The following ADAM10 variants were observed in gnomAD, a reference collection of about 807,000 sequenced individuals.
ADAM10 encodes disintegrin and metalloproteinase domain-containing protein 10.
ADAM10 carries 17 observed loss-of-function variants against 90.1 expected under a neutral mutation model. The ratio of observed to expected loss-of-function variants is 0.19; its 90% CI spans 0.13 to 0.28. The LOEUF (loss-of-function observed/expected upper bound fraction) is 0.28, where lower values mean the gene tolerates loss of function less well. ADAM10 is among the 10% of genes least tolerant of loss of function. The probability of loss-of-function intolerance (pLI) is 1.00; values close to 1 mark genes in which losing one functional copy is unlikely to be tolerated. For synonymous variants in ADAM10, 310 were observed against 298.6 expected, an observed-to-expected ratio of 1.04 and a Z score of -0.40; for missense variants, 610 against 914.3, an observed-to-expected ratio of 0.67 and a Z score of 4.29.
At chr15:58,605,367 T>C (rs989123895) in intron 14 of ADAM10, among the ~76,000 whole-genome samples, 32 of 152,082 alleles carry the variant, frequency 2.1e-4, no homozygotes, top group African/African-American at 6.5e-4. Flanking sequence ...AACATGGCAA[T>C]AGACAAAAGA....
At chr15:58,615,932 C>T (rs942807011) in intron 11 of ADAM10, among the ~76,000 whole-genome samples, 2 of 151,992 alleles carry the variant, frequency 1.3e-5, no homozygotes, top group East Asian at 1.9e-4. Context: ...CGCTTGAACC[C>T]GGGAGGCGCA....
intron 14 of ADAM10, among the ~76,000 whole-genome samples, chr15:58,608,395 A>C (rs1458820230): frequency 6.6e-6 from 1 of 152,198 alleles, no homozygotes; most frequent in Non-Finnish European, 1.5e-5. Context: ...GTATGCAAGT[A>C]AACTATGCAC....
intron 14 of ADAM10, among the ~76,000 whole-genome samples, chr15:58,601,397 G>T (rs956699599): frequency 1.3e-5 from 2 of 152,050 alleles, no homozygotes; most frequent in African/African-American, 4.8e-5. Flanking sequence ...GGAGGCAGAG[G>T]TTACAGTGAG....
intron 8 of ADAM10, 34 bp downstream of exon 8, chr15:58,640,743 A>G (rs756843699): frequency 6.3e-6 from 10 of 1,597,182 alleles, no homozygotes; most frequent in Non-Finnish European, 6.9e-6. Flanking sequence ...TGTTTCAAGT[A>G]GTAAGTTAAG....
At chr15:58,702,197 A>C (rs370646645) in intron 2 of ADAM10, among the ~76,000 whole-genome samples, 18 of 152,190 alleles carry the variant, frequency 1.2e-4, no homozygotes, top group African/African-American at 4.3e-4. Context: ...GCCAAGCACA[A>C]AAAGACAAAC....
chr15:58,747,142 A>G (rs1899817973), intron 1 of ADAM10, among the ~76,000 whole-genome samples: 1 of 152,182 alleles, frequency 6.6e-6, no homozygotes. Flanking sequence ...TGTGCTCTCA[A>G]ACACACCAGT....
chr15:58,610,264 T>C, intron 14 of ADAM10, 33 bp downstream of exon 14: 2 of 1,593,410 alleles, frequency 1.3e-6, no homozygotes, highest in Non-Finnish European at 1.7e-6. Context: ...CAAACCACTT[T>C]AAGTTTTCTT....
intron 5 of ADAM10, among the ~76,000 whole-genome samples, chr15:58,657,224 A>G (rs1210148759): frequency 3.3e-5 from 5 of 152,032 alleles, no homozygotes; most frequent in African/African-American, 4.8e-5. Flanking sequence ...TTGAATGTTG[A>G]TATCTTTTTC....
chr15:58,640,134 C>G (rs1896376345), intron 8 of ADAM10, among the ~76,000 whole-genome samples: 1 of 152,166 alleles, frequency 6.6e-6, no homozygotes, highest in Non-Finnish European at 1.5e-5. Flanking sequence ...AGGGTATTGT[C>G]CCATCCCAAC....
rs536387409 is a variant in ADAM10 at position 58,639,854 on chromosome 15, T to A, written c.1012+923A>T. ...AAGAATAAACTAATAAGAATAGGAA[T>A]ACAAAAGCTTCTCTTACTCTGGATA... On this transcript the variant is annotated intron_variant, in intron 8 of 15. Transcript: ENST00000260408. Among the ~76,000 whole-genome samples the A allele has an allele frequency of 5.4e-4, 82 of 151,194 alleles. 1 individual carries two copies. The highest frequency in any genetic ancestry group is 1.9e-3 in the African/African-American group (77 of 41,246).
At chr15:58,635,180 C>T (rs1214726504) in intron 8 of ADAM10, among the ~76,000 whole-genome samples, 2 of 140,950 alleles carry the variant, frequency 1.4e-5, no homozygotes, top group Admixed American at 1.6e-4. Context: ...GAGGCTGAGG[C>T]AGGAGAATGG....
chr15:58,629,322 C>T (rs1426714155), intron 9 of ADAM10: 1 of 152,198 alleles, frequency 6.6e-6, no homozygotes, highest in Non-Finnish European at 1.5e-5. Flanking sequence ...CTTGCTGCTG[C>T]ATAAATCCAT....
chr15:58,704,513 A>G (rs1027346160), intron 2 of ADAM10, among the ~76,000 whole-genome samples: 4 of 152,334 alleles, frequency 2.6e-5, no homozygotes, highest in Non-Finnish European at 5.9e-5. Context: ...CTTGCTCTTT[A>G]CCACTTAAAA....
intron 1 of ADAM10, among the ~76,000 whole-genome samples, chr15:58,718,827 T>G (rs1389017836): frequency 6.6e-6 from 1 of 152,170 alleles, no homozygotes; most frequent in East Asian, 1.9e-4. Context: ...TGATATTCTG[T>G]CTGTGAACTC....
chr15:58,687,610 G>C (rs760168392), intron 2 of ADAM10, among the ~76,000 whole-genome samples: 17 of 149,070 alleles, frequency 1.1e-4, no homozygotes, highest in Non-Finnish European at 5.9e-5. Flanking sequence ...AAAGGGTCAA[G>C]CTGATCCACA....
chr15:58,664,595 T>C (rs1378193237), intron 5 of ADAM10, among the ~76,000 whole-genome samples: 1 of 151,926 alleles, frequency 6.6e-6, no homozygotes, highest in African/African-American at 2.4e-5. Flanking sequence ...AGAAAAAATG[T>C]TTTCTCATTT....
intron 1 of ADAM10, among the ~76,000 whole-genome samples, chr15:58,724,624 G>A (rs532028840): frequency 2.5e-4 from 38 of 152,320 alleles, no homozygotes; most frequent in African/African-American, 8.9e-4. Flanking sequence ...GTGCCAGAGT[G>A]TCAGAAAGGA....
chr15:58,688,873 C>G (rs1390940967), intron 2 of ADAM10, among the ~76,000 whole-genome samples: 3 of 142,848 alleles, frequency 2.1e-5, no homozygotes, highest in Non-Finnish European at 4.5e-5. Flanking sequence ...GTAACAAAAA[C>G]TATCTAACTT....
rs1895989255 is a variant in ADAM10, at chr15:58,627,770, A to G, written c.1290T>C (p.Asn430=). 4 of 1,613,466 alleles carry G rather than the reference A, an allele frequency of 2.5e-6. No individual in the cohort carries two copies. Among genetic ancestry groups the G allele is most frequent in the African/African-American group, 1.3e-5 (1 of 74,922 alleles). Residue 430 remains asparagine, a synonymous_variant, in exon 10 of 16, where the codon AAT becomes AAC. Transcript: ENST00000260408. ...RATSGDKLNN[N]KFSLCSIRNI... is the part of the protein sequence containing the mutation. ...TTCTAATACTACAGAGTGAGAATTTATTGTTGTTAAGTTTGTCCCCAGATG... is the reference window on the plus strand; with the variant it reads ...TTCTAATACTACAGAGTGAGAATTTGTTGTTGTTAAGTTTGTCCCCAGATG...
Sources: gnomAD v4.1 joint callset for allele counts (sites outside exome capture counted in the v4.1 genomes callset) on GRCh38, gnomAD v4.1.1 for gene constraint, MANE v1.5 for transcripts, NCBI Gene and HGNC (gene_info 2026-07-23, HGNC 2026-07-21) for gene names.